Variants in ITGBL1 observed in about 807,000 individuals in gnomAD.
ITGBL1 encodes integrin beta-like protein 1.
In ITGBL1, 51 loss-of-function variants were observed where a neutral mutation model predicts 68.5. That is an observed-to-expected ratio of 0.74 (90% confidence interval 0.59 to 0.94). The LOEUF (loss-of-function observed/expected upper bound fraction) is 0.94. Ranked by LOEUF, ITGBL1 falls within the 40% of genes least tolerant of loss-of-function variation. The pLI, the probability that ITGBL1 is intolerant of heterozygous loss-of-function variation, is 0.00. For missense variants in ITGBL1, 649 were observed against 647.4 expected (o/e 1.00, Z -0.03); for synonymous variants, 209 against 227.3 (o/e 0.92, Z 0.72).
intron 2 of ITGBL1, among the ~76,000 whole-genome samples, chr13:101,465,970 T>C (rs1426309619): frequency 6.6e-6 from 1 of 151,990 alleles, no homozygotes; most frequent in Non-Finnish European, 1.5e-5. Flanking sequence ...AGAGCAGAGG[T>C]AGTGATGTTA....
At chr13:101,719,986 C>T (rs1199388383), downstream of ITGBL1, 1 of 152,078 alleles carries the variant, frequency 6.6e-6, no homozygotes. Flanking sequence ...ATTTACATGA[C>T]ATTTCTCTAT....
chr13:101,500,132 GA>G (rs2048916940), intron 2 of ITGBL1, among the ~76,000 whole-genome samples: 1 of 152,116 alleles, frequency 6.6e-6, no homozygotes, highest in African/African-American at 2.4e-5. Context: ...AGTAAATCCA[GA>G]ATACACTTTG....
chr13:101,640,998 CT>C (rs1346044439), intron 7 of ITGBL1, among the ~76,000 whole-genome samples: 7 of 152,160 alleles, frequency 4.6e-5, no homozygotes, highest in Non-Finnish European at 1.0e-4. Flanking sequence ...TACCATGGCA[CT>C]TATGACTAAA....
At chr13:101,706,949 T>C in intron 9 of ITGBL1, 47 bp downstream of exon 9, 1 of 1,585,244 alleles carries the variant, frequency 6.3e-7, no homozygotes, top group Admixed American at 1.7e-5. Flanking sequence ...TTCTGACACA[T>C]GATTTGTAGA....
At chr13:101,545,733 A>G (rs566454461) in intron 2 of ITGBL1, among the ~76,000 whole-genome samples, 130 of 152,326 alleles carry the variant, frequency 8.5e-4, no homozygotes, top group African/African-American at 2.9e-3. Flanking sequence ...AATTTATAGT[A>G]ACAGCCATCA....
intron 7 of ITGBL1, among the ~76,000 whole-genome samples, chr13:101,655,702 G>A (rs1278446624): frequency 6.6e-6 from 1 of 152,130 alleles, no homozygotes; most frequent in Non-Finnish European, 1.5e-5. Flanking sequence ...TGTTAAATCG[G>A]ATAGTCACAA....
At chr13:101,581,536 G>A (rs1317498269) in intron 5 of ITGBL1, among the ~76,000 whole-genome samples, 1 of 151,764 alleles carries the variant, frequency 6.6e-6, no homozygotes, top group East Asian at 1.9e-4. Flanking sequence ...AAATCATACT[G>A]CACGTGCTGA....
intron 7 of ITGBL1, among the ~76,000 whole-genome samples, chr13:101,648,887 G>T (rs1178201258): frequency 6.6e-6 from 1 of 152,010 alleles, no homozygotes; most frequent in Non-Finnish European, 1.5e-5. Flanking sequence ...TCACTTGAGT[G>T]TTAAATTGAT....
intron 2 of ITGBL1, among the ~76,000 whole-genome samples, chr13:101,458,365 A>G (rs963237615): frequency 6.6e-6 from 1 of 152,248 alleles, no homozygotes; most frequent in African/African-American, 2.4e-5. Flanking sequence ...GCAGAAAAAC[A>G]TGTGGATGTT....
chr13:101,495,253 A>G (rs890497025), intron 2 of ITGBL1, among the ~76,000 whole-genome samples: 1 of 152,186 alleles, frequency 6.6e-6, no homozygotes, highest in Non-Finnish European at 1.5e-5. Context: ...CCTGGTGTTC[A>G]TTGCTTAGAA....
intron 7 of ITGBL1, among the ~76,000 whole-genome samples, chr13:101,625,630 G>T (rs981685275): frequency 8.6e-5 from 13 of 151,756 alleles, no homozygotes; most frequent in African/African-American, 3.1e-4. Context: ...TAGGCTCACC[G>T]CAACCTCTGT....
chr13:101,626,205 T>C lies in ITGBL1; in HGVS notation c.1015+27906T>C, dbSNP rs561928690. On this transcript the variant is annotated intron_variant, in intron 7 of 10. Transcript: ENST00000376180. ...GATCCCAGGTGATTTGTAGTCTTCATAGACAGTGTCTACAAACTTTTCTGG... is the reference window on the plus strand; with the variant it reads ...GATCCCAGGTGATTTGTAGTCTTCACAGACAGTGTCTACAAACTTTTCTGG... Among the ~76,000 whole-genome samples, 1,202 of 152,320 alleles carry C rather than the reference T, an allele frequency of 7.9e-3. 16 individuals are homozygous for C. The highest frequency in any genetic ancestry group is 0.028 in the African/African-American group (1,165 of 41,580).
At chr13:101,712,768 A>G (rs1335768295) in intron 9 of ITGBL1, 1 of 152,208 alleles carries the variant, frequency 6.6e-6, no homozygotes, top group Non-Finnish European at 1.5e-5. Flanking sequence ...AGAGTGCTGT[A>G]CATTTTTTTA....
At chr13:101,544,633 C>G (rs895218678) in intron 2 of ITGBL1, among the ~76,000 whole-genome samples, 6 of 152,212 alleles carry the variant, frequency 3.9e-5, no homozygotes, top group African/African-American at 1.4e-4. Flanking sequence ...TTTTGTTTGG[C>G]TATGCCCCGC....
chr13:101,707,610 C>A (rs1483078334), intron 9 of ITGBL1, among the ~76,000 whole-genome samples: 1 of 151,790 alleles, frequency 6.6e-6, no homozygotes, highest in Non-Finnish European at 1.5e-5. Context: ...GAGGCCAAGG[C>A]GGGTGGATCA....
intron 6 of ITGBL1, among the ~76,000 whole-genome samples, chr13:101,590,512 C>A (rs570146093): frequency 6.6e-6 from 1 of 152,112 alleles, no homozygotes; most frequent in African/African-American, 2.4e-5. Flanking sequence ...GGTCCCGCAT[C>A]GGCTAGATGT....
intron 7 of ITGBL1, among the ~76,000 whole-genome samples, chr13:101,605,983 T>C (rs925889323): frequency 2.1e-5 from 3 of 145,566 alleles, no homozygotes; most frequent in Non-Finnish European, 4.5e-5. Context: ...CATATATGTG[T>C]ATATATATGT....
At chr13:101,540,306 G>C (rs543438388) in intron 2 of ITGBL1, among the ~76,000 whole-genome samples, 68 of 152,154 alleles carry the variant, frequency 4.5e-4, no homozygotes, top group Non-Finnish European at 7.9e-4. Flanking sequence ...TTATTAAATA[G>C]GGAATCTTTT....
At chr13:101,538,534 TTTTAAATTTACC>T (rs1325365479) in intron 2 of ITGBL1, among the ~76,000 whole-genome samples, 10 of 152,166 alleles carry the variant, frequency 6.6e-5, no homozygotes, top group African/African-American at 2.2e-4. Flanking sequence ...AGATTGGATT[TTTTAAATTTACC>T]TTTAGAAATT....
Sources: allele counts gnomAD v4.1 joint callset (sites outside exome capture counted in the v4.1 genomes callset), GRCh38; gene constraint gnomAD v4.1.1; transcripts MANE v1.5; gene names NCBI Gene and HGNC (gene_info 2026-07-23, HGNC 2026-07-21).